Variants in RORA observed in about 807,000 individuals in gnomAD.
RORA encodes nuclear receptor ROR-alpha.
A neutral mutation model predicts 69.5 loss-of-function variants in RORA; 7 were observed. The observed-to-expected ratio is 0.10, with a 90% CI of 0.06 to 0.19. RORA has a LOEUF of 0.19. Ranked by LOEUF, RORA falls within the 10% of genes least tolerant of loss-of-function variation. The pLI is 1.00. For synonymous variants in RORA, 261 were observed against 240.8 expected, an observed-to-expected ratio of 1.08 and a Z score of -0.78; for missense variants, 457 against 663.0, an observed-to-expected ratio of 0.69 and a Z score of 3.41.
chr15:60,921,153 C>A (rs1349234085), intron 1 of RORA, among the ~76,000 whole-genome samples: 1 of 152,190 alleles, frequency 6.6e-6, no homozygotes, highest in African/African-American at 2.4e-5. Context: ...CATATGCCTA[C>A]CCCATGCCCC....
chr15:60,543,841 C>T (rs866017805), intron 2 of RORA, among the ~76,000 whole-genome samples: 2 of 152,262 alleles, frequency 1.3e-5, no homozygotes, highest in South Asian at 4.2e-4. Flanking sequence ...GGATAGGTCA[C>T]TGTATTCCTT....
intron 1 of RORA, among the ~76,000 whole-genome samples, chr15:61,119,192 G>A (rs966137327): frequency 1.3e-5 from 2 of 151,498 alleles, no homozygotes; most frequent in Admixed American, 1.3e-4. Context: ...GGCAACTTTC[G>A]CTTTTTTGGT....
chr15:60,713,859 A>G (rs1405900525), intron 1 of RORA, among the ~76,000 whole-genome samples: 15 of 152,246 alleles, frequency 9.9e-5, no homozygotes, highest in Admixed American at 9.8e-4. Context: ...TTACAACAGG[A>G]TCTGCAACGC....
intron 2 of RORA, among the ~76,000 whole-genome samples, chr15:60,580,681 T>G (rs1168419873): frequency 1.3e-5 from 2 of 152,216 alleles, no homozygotes; most frequent in Non-Finnish European, 2.9e-5. Context: ...AAAATCACTA[T>G]GCATTCATGA....
chr15:60,703,872 G>GAA (rs200885415), intron 1 of RORA, among the ~76,000 whole-genome samples: 2 of 128,126 alleles, frequency 1.6e-5, no homozygotes, highest in South Asian at 2.4e-4. Flanking sequence ...AAGGAAGAAA[G>GAA]AAAAAAAAAA....
At chr15:60,759,459 G>A (rs947807468) in intron 1 of RORA, among the ~76,000 whole-genome samples, 1 of 152,118 alleles carries the variant, frequency 6.6e-6, no homozygotes, top group African/African-American at 2.4e-5. Flanking sequence ...ATCATCAAAC[G>A]GGGGGCAACT....
chr15:61,116,224 G>A (rs1488271507), intron 1 of RORA, among the ~76,000 whole-genome samples: 1 of 152,086 alleles, frequency 6.6e-6, no homozygotes. Flanking sequence ...GAATGAAGAC[G>A]GTGAATATAG....
At chr15:60,527,387 T>TAACA (rs2066394182) in intron 3 of RORA, among the ~76,000 whole-genome samples, 1 of 152,252 alleles carries the variant, frequency 6.6e-6, no homozygotes, top group Non-Finnish European at 1.5e-5. Flanking sequence ...ATTTTCCTCC[T>TAACA]AACACTTCAT....
chr15:61,174,416 C>G (rs1413312552), intron 1 of RORA, among the ~76,000 whole-genome samples: 1 of 152,214 alleles, frequency 6.6e-6, no homozygotes, highest in East Asian at 1.9e-4. Flanking sequence ...TAAGGATCAG[C>G]AGATTTAATT....
chr15:61,078,793 A>C (rs1018292872), intron 1 of RORA, among the ~76,000 whole-genome samples: 3 of 151,934 alleles, frequency 2.0e-5, no homozygotes, highest in Admixed American at 1.3e-4. Flanking sequence ...CTATCCATCC[A>C]CCCACCCACC....
intron 2 of RORA, among the ~76,000 whole-genome samples, chr15:60,658,088 T>C (rs189682462): frequency 0.021 from 3,081 of 147,218 alleles, 113 homozygotes; most frequent in African/African-American, 0.072. Flanking sequence ...TCTTTTTTTC[T>C]TTTTTTTTTG....
chr15:61,188,339 T>C (rs1350603169), intron 1 of RORA, among the ~76,000 whole-genome samples: 1 of 152,202 alleles, frequency 6.6e-6, no homozygotes, highest in South Asian at 2.1e-4. Flanking sequence ...TGTGTTCGAA[T>C]AAAACTTTAT....
intron 1 of RORA, among the ~76,000 whole-genome samples, chr15:60,907,252 T>C (rs1454630283): frequency 6.6e-6 from 1 of 152,180 alleles, no homozygotes; most frequent in Non-Finnish European, 1.5e-5. Context: ...AAGAAGAGGC[T>C]TGGAGGCAAG....
intron 1 of RORA, among the ~76,000 whole-genome samples, chr15:61,081,486 T>TTC (rs2078539358): frequency 6.6e-6 from 1 of 152,168 alleles, no homozygotes; most frequent in Non-Finnish European, 1.5e-5. Flanking sequence ...ATTATTCCTT[T>TTC]TCTCTACTAT....
intron 1 of RORA, among the ~76,000 whole-genome samples, chr15:61,044,966 G>A (rs909645860): frequency 6.6e-6 from 1 of 152,234 alleles, no homozygotes; most frequent in Non-Finnish European, 1.5e-5. Context: ...CTAGGAAGCT[G>A]CTGTACTTGG....
chr15:60,636,950 CTATAT>C (rs896841420), intron 2 of RORA, among the ~76,000 whole-genome samples: 3 of 152,014 alleles, frequency 2.0e-5, no homozygotes, highest in South Asian at 4.2e-4. Context: ...CATCATATGA[CTATAT>C]TATAATTTAT....
At chr15:60,692,373 CT>C (rs2070840590) in intron 1 of RORA, among the ~76,000 whole-genome samples, 1 of 152,174 alleles carries the variant, frequency 6.6e-6, no homozygotes, top group Admixed American at 6.5e-5. Context: ...GACTAATACT[CT>C]TTTGGACCAC....
At chr15:61,181,093 G>T (rs1214042940) in intron 1 of RORA, among the ~76,000 whole-genome samples, 2 of 124,292 alleles carry the variant, frequency 1.6e-5, no homozygotes, top group Middle Eastern at 6.7e-3. Context: ...GACAGAGCGA[G>T]ATTCCATCTC....
chr15:60,985,513 G>A (rs1031337842), intron 1 of RORA, among the ~76,000 whole-genome samples: 1 of 150,852 alleles, frequency 6.6e-6, no homozygotes, highest in Admixed American at 6.6e-5. Flanking sequence ...ATTCTGTTTG[G>A]AAATCTATGA....
Sources: allele counts gnomAD v4.1 joint callset (sites outside exome capture counted in the v4.1 genomes callset), GRCh38; gene constraint gnomAD v4.1.1; transcripts MANE v1.5; gene names NCBI Gene and HGNC (gene_info 2026-07-23, HGNC 2026-07-21).